RFC3: variants seen among roughly 807,000 people sequenced by gnomAD.
RFC3 encodes the protein replication factor C subunit 3.
A neutral mutation model predicts 45.1 loss-of-function variants in RFC3; 41 were observed. The observed-to-expected ratio is 0.91, with a 90% CI of 0.71 to 1.18. The LOEUF is 1.18. RFC3 is among the 50% of genes most tolerant of loss of function. RFC3 has a pLI of 0.00. For missense variants in RFC3, 423 were observed against 428.1 expected (o/e 0.99, Z 0.10); for synonymous variants, 149 against 144.0 (o/e 1.03, Z -0.25).
chr13:33,886,561 A>G (rs1295613329), intron 8 of RFC3, among the ~76,000 whole-genome samples: 1 of 151,644 alleles, frequency 6.6e-6, no homozygotes, highest in East Asian at 1.9e-4. Context: ...AAAAAGAAAA[A>G]AAACCCATCA....
downstream of RFC3, among the ~76,000 whole-genome samples, chr13:33,838,205 CTCTG>C (rs564765890): frequency 3.9e-5 from 6 of 152,076 alleles, no homozygotes; most frequent in Non-Finnish European, 5.9e-5. Context: ...CCAGTTGCTT[CTCTG>C]TCTTTTGGCT....
chr13:33,893,315 G>A (rs564425505), intron 8 of RFC3, among the ~76,000 whole-genome samples: 1 of 152,036 alleles, frequency 6.6e-6, no homozygotes, highest in African/African-American at 2.4e-5. Context: ...GGTGAACCTT[G>A]GATTAAGGAA....
At chr13:33,926,239 G>A (rs2082812407) in intron 8 of RFC3, among the ~76,000 whole-genome samples, 1 of 150,346 alleles carries the variant, frequency 6.7e-6, no homozygotes, top group Non-Finnish European at 1.5e-5. Flanking sequence ...GGATAGCACT[G>A]GGAGATATAC....
chr13:33,936,060 G>A (rs968785742), intron 8 of RFC3, among the ~76,000 whole-genome samples: 6 of 152,132 alleles, frequency 3.9e-5, no homozygotes, highest in African/African-American at 1.4e-4. Context: ...TGCAGTGTGT[G>A]CACTTGTATG....
intron 2 of RFC3, among the ~76,000 whole-genome samples, chr13:33,821,824 C>T (rs1403613577): frequency 1.3e-5 from 2 of 152,200 alleles, no homozygotes; most frequent in South Asian, 2.1e-4. Context: ...TGAAATGTAT[C>T]CTTCCTTTTC....
exon 9 of RFC3, chr13:33,966,319 A>G (rs2083087660): frequency 3.3e-6 from 2 of 606,354 alleles, no homozygotes; most frequent in South Asian, 3.9e-5. Context: ...TCCACCTGCT[A>G]ATCACATCCA....
chr13:33,922,867 G>C lies in RFC3; in HGVS notation c.880-43220G>C, dbSNP rs555577151. On this transcript the variant is annotated intron_variant, in intron 8 of 8. Coordinates refer to the RFC3 transcript ENST00000434425. Reference sequence around the variant, plus strand: ...CCACAGTCTCTTCATTTGTAAAATAGAGGTAATAGTAGGTGTCTCGTAGGG... The same window carrying C: ...CCACAGTCTCTTCATTTGTAAAATACAGGTAATAGTAGGTGTCTCGTAGGG... Among the ~76,000 whole-genome samples the C allele has an allele frequency of 2.0e-5, 3 of 152,228 alleles. No individual in the cohort carries two copies. The South Asian group carries it at 6.2e-4, about 32-fold the overall frequency.
intron 8 of RFC3, chr13:33,850,169 A>G (rs2082267259): frequency 6.6e-6 from 1 of 152,148 alleles, no homozygotes; most frequent in Non-Finnish European, 1.5e-5. Flanking sequence ...TTACATAGGT[A>G]TGCATTTTCC....
chr13:33,958,589 A>G (rs1300276065), intron 8 of RFC3, among the ~76,000 whole-genome samples: 2 of 152,222 alleles, frequency 1.3e-5, no homozygotes, highest in African/African-American at 4.8e-5. Context: ...GACGGAAAAC[A>G]GAAGGCGTTT....
At position 33,835,178 on chromosome 13, in the gene RFC3, G is replaced by A. The variant is rs750596331; in HGVS notation, c.840G>A (p.Glu280=). The part of the protein sequence containing the change: ...RLLEVRGRLY[E]LLTHCIPPEI... The stretch of plus-strand genomic sequence containing the variant: ...TTGAAGTTCGTGGAAGGCTGTATGA[G>A]CTTCTAACTCATTGTATTCCTCCTG... The change falls in exon 8 of 9, where the codon GAG becomes GAA. Residue 280 remains glutamate (E), a synonymous_variant. Transcript: ENST00000380071. 4.5e-5 allele frequency: 72 copies of A among 1,610,446 alleles called. 1 individual carries two copies. In the South Asian group the frequency reaches 7.8e-4, roughly 17 times the overall value.
At chr13:33,825,991 C>T (rs1392045309) in intron 4 of RFC3, 105 bp downstream of exon 4, 4 of 520,708 alleles carry the variant, frequency 7.7e-6, no homozygotes, top group African/African-American at 2.0e-5. Flanking sequence ...TCTCTGGGCT[C>T]ATGGGAGTTT....
At position 33,934,953 on chromosome 13, in the gene RFC3, T is replaced by C. The variant is rs578209155; in HGVS notation, c.880-31134T>C. On this transcript the variant is annotated intron_variant, in intron 8 of 8. Coordinates refer to the RFC3 transcript ENST00000434425. ...CCCCATTCCTGATGGTCTGCTCACA[T>C]TGTGATGCACCCTGCTGAACCTGTC... Among the ~76,000 whole-genome samples the C allele has an allele frequency of 3.9e-5, 6 of 152,232 alleles. No individual in the cohort carries two copies. The South Asian group carries it at 1.2e-3, about 32-fold the overall frequency.
chr13:33,880,430 G>A (rs1339867344), intron 8 of RFC3, among the ~76,000 whole-genome samples: 2 of 152,146 alleles, frequency 1.3e-5, no homozygotes, highest in Non-Finnish European at 2.9e-5. Context: ...AGACGAATTA[G>A]TGAGTCATTG....
intron 8 of RFC3, among the ~76,000 whole-genome samples, chr13:33,880,413 T>C (rs926301117): frequency 2.0e-5 from 3 of 151,906 alleles, no homozygotes; most frequent in African/African-American, 7.3e-5. Context: ...TAGGAAAGGG[T>C]CAGAAAAGAC....
intron 8 of RFC3, among the ~76,000 whole-genome samples, chr13:33,859,494 A>G (rs1419172429): frequency 2.0e-5 from 3 of 152,238 alleles, no homozygotes; most frequent in African/African-American, 4.8e-5. Context: ...AGAACAGTAT[A>G]TAAAAGTGAC....
intron 7 of RFC3, among the ~76,000 whole-genome samples, chr13:33,834,321 T>TAATATAC (rs1566385085): frequency 2.9e-4 from 38 of 129,708 alleles, no homozygotes; most frequent in African/African-American, 1.3e-3. Flanking sequence ...TATATATATA[T>TAATATAC]ATATATATAT....
intron 8 of RFC3, among the ~76,000 whole-genome samples, chr13:33,933,716 C>T (rs985854707): frequency 2.8e-5 from 4 of 145,170 alleles, no homozygotes; most frequent in Non-Finnish European, 5.9e-5. Context: ...GATCACTGAC[C>T]GGCTTGGAAA....
chr13:33,971,099 C>A (rs1472641998), downstream of RFC3, among the ~76,000 whole-genome samples: 1 of 152,116 alleles, frequency 6.6e-6, no homozygotes, highest in Non-Finnish European at 1.5e-5. Flanking sequence ...ATCCATTATG[C>A]AGAATTAACA....
intron 8 of RFC3, among the ~76,000 whole-genome samples, chr13:33,944,331 A>G (rs888867713): frequency 2.0e-5 from 3 of 152,242 alleles, no homozygotes; most frequent in Non-Finnish European, 4.4e-5. Context: ...GTGAGCAGCT[A>G]TGCCATTTAA....
Sources: gnomAD v4.1 joint callset for allele counts (sites outside exome capture counted in the v4.1 genomes callset) on GRCh38, gnomAD v4.1.1 for gene constraint, MANE v1.5 for transcripts, NCBI Gene and HGNC (gene_info 2026-07-23, HGNC 2026-07-21) for gene names.